The following FANCA variants were observed in gnomAD, a reference collection of about 807,000 sequenced individuals.
FANCA encodes the protein Fanconi anemia group A protein.
In FANCA, 236 loss-of-function variants were observed where a neutral mutation model predicts 194.3. The ratio of observed to expected loss-of-function variants is 1.21; its 90% CI spans 1.09 to 1.35. FANCA has a LOEUF of 1.35. Ranked by LOEUF, FANCA falls within the 40% of genes most tolerant of loss-of-function variation. The probability of loss-of-function intolerance (pLI) is 0.00; values close to 1 mark genes in which losing one functional copy is unlikely to be tolerated. For missense variants in FANCA, 2,628 were observed against 1,813.9 expected (o/e 1.45, Z -8.15); for synonymous variants, 1,014 against 715.8 (o/e 1.42, Z -6.65).
At chr16:89,776,827 A>C (rs1054160823) in intron 20 of FANCA, among the ~76,000 whole-genome samples, 7 of 152,024 alleles carry the variant, frequency 4.6e-5, no homozygotes, top group African/African-American at 1.7e-4. Context: ...CGAGACTCCG[A>C]CTCAAAAAAT....
chr16:89,772,818 C>CA lies in FANCA; in HGVS notation c.2014+452dup, dbSNP rs57304619. On this transcript the variant is annotated intron_variant, in intron 22 of 42. Coordinates refer to ENST00000389301, the MANE Select transcript of FANCA (RefSeq NM_000135.4). The stretch of plus-strand genomic sequence containing the variant: ...TGGGGGACAGAGTGAGACTCTGTCT[C>CA]AAAAAAAAAAAAGAAAAAAGAAACT... 1.9e-3 allele frequency among the ~76,000 whole-genome samples: 261 copies of CA among 139,618 alleles called. 1 individual carries two copies. The highest frequency in any genetic ancestry group is 5.5e-3 in the African/African-American group (211 of 38,368). The allele number at this position is 139,618 out of a possible 152,430, so 91.6% of individuals were successfully genotyped here.
chr16:89,792,213 C>G, intron 12 of FANCA, 145 bp from the exon 13 acceptor site: 4 of 1,024,904 alleles, frequency 3.9e-6, no homozygotes, highest in East Asian at 2.4e-5. Context: ...ACAGCTCACA[C>G]CGTGGCGTCT....
Position 89,769,776 on chromosome 16 carries a change from C to T in FANCA, c.2504+61G>A, listed in dbSNP as rs914470075. The T allele has an allele frequency of 7.0e-6, 11 of 1,572,582 alleles. No individual in the cohort carries two copies. The African/African-American group carries it at 1.5e-4, about 21-fold the overall frequency. ...GTCTGTCTCTTCTAATTTTATCAAA[C>T]GAGCATGTGTCACTTTTCGAGAGAG... On this transcript the variant is annotated intron_variant, in intron 26 of 42. Coordinates refer to ENST00000389301, the MANE Select transcript of FANCA (RefSeq NM_000135.4).
rs60760906 is a variant in FANCA, at chr16:89,800,790, G to A, written c.793-1152C>T. On this transcript the variant is annotated intron_variant, in intron 8 of 42. Transcript: ENST00000389301. ...CCACGCCTGTAATCCCAGCACTTTC[G>A]GAAGTCGAGGTGGGTGGATCACCTG... 5.1e-3 allele frequency among the ~76,000 whole-genome samples: 779 copies of A among 151,890 alleles called. 5 individuals are homozygous for A. The highest frequency in any genetic ancestry group is 0.018 in the African/African-American group (749 of 41,380).
Position 89,780,844 on chromosome 16 carries a change from C to G in FANCA, c.1627-887G>C, listed in dbSNP as rs151330700. 1.7e-3 allele frequency among the ~76,000 whole-genome samples: 254 copies of G among 151,120 alleles called. 1 individual carries two copies. Among genetic ancestry groups the G allele is most frequent in the African/African-American group, 5.5e-3 (225 of 41,118 alleles). Reference sequence around the variant, plus strand: ...ACTCAGGAGGTCAAGGTGAGAAGATCGTTTCAACCTAGGAGTTTGAGGCTG... The same window carrying G: ...ACTCAGGAGGTCAAGGTGAGAAGATGGTTTCAACCTAGGAGTTTGAGGCTG... On this transcript the variant is annotated intron_variant, in intron 17 of 42. Transcript: ENST00000389301.
In FANCA at chr16:89,740,831, G is replaced by A. The variant is rs143772894; in HGVS notation, c.3801C>T (p.Gly1267=). Reference sequence around the variant, plus strand: ...TTGAGGTCAGATGTGACGACAGCAGGCCCATCAAGGAGAAGAAGAAAAGGA... The same window carrying A: ...TTGAGGTCAGATGTGACGACAGCAGACCCATCAAGGAGAAGAAGAAAAGGA... ...LVFLFFFSLM[G]LLSSHLTSNS... The change falls in exon 38 of 43, where the codon GGC becomes GGT. Residue 1267 remains glycine, a synonymous_variant. Transcript: ENST00000389301. 175 of 1,613,548 alleles carry A rather than the reference G, an allele frequency of 1.1e-4. No individual in the cohort carries two copies. The highest frequency in any genetic ancestry group is 1.4e-4 in the Non-Finnish European group (169 of 1,179,736).
intron 10 of FANCA, chr16:89,798,274 T>G: frequency 1.1e-6 from 1 of 937,898 alleles, no homozygotes; most frequent in Non-Finnish European, 1.3e-6. Context: ...TCCACTGCTG[T>G]GAGAACACAT....
chr16:89,758,042 G>A (rs1055212562), intron 30 of FANCA, among the ~76,000 whole-genome samples: 2 of 152,046 alleles, frequency 1.3e-5, no homozygotes, highest in African/African-American at 4.8e-5. Context: ...TTTTAGTAGA[G>A]AGGGAGGTTT....
intron 40 of FANCA, 51 bp from the exon 41 acceptor site, chr16:89,739,340 C>A (rs2151712252): frequency 6.2e-7 from 1 of 1,610,218 alleles, no homozygotes. Flanking sequence ...GGAAAGGTAG[C>A]AGGTGATGCC....
chr16:89,762,276 G>C (rs2038977622), intron 28 of FANCA, among the ~76,000 whole-genome samples: 1 of 152,162 alleles, frequency 6.6e-6, no homozygotes, highest in Non-Finnish European at 1.5e-5. Flanking sequence ...ATTTTAGTCT[G>C]GGCAACATAG....
At chr16:89,744,498 C>T (rs2062200460) in intron 36 of FANCA, among the ~76,000 whole-genome samples, 1 of 152,046 alleles carries the variant, frequency 6.6e-6, no homozygotes. Flanking sequence ...AATCTGCATC[C>T]CTGAGGTCCC....
chr16:89,762,133 G>T lies in FANCA; in HGVS notation c.2779-111C>A, dbSNP rs563058465. 108 of 836,382 alleles carry T rather than the reference G, an allele frequency of 1.3e-4. No homozygotes were observed. In the South Asian group the frequency reaches 1.4e-3, roughly 11 times the overall value. 51.8% of individuals were successfully genotyped at this position (836,382 alleles called of 1,614,324 possible). On this transcript the variant is annotated intron_variant, in intron 28 of 42. Coordinates refer to ENST00000389301, the MANE Select transcript of FANCA (RefSeq NM_000135.4). ...CTCATACGCAGTCCTCCATGTCCCTGTGTTATAATGAAATTGCAGCTGAGA... is the reference window on the plus strand; with the variant it reads ...CTCATACGCAGTCCTCCATGTCCCTTTGTTATAATGAAATTGCAGCTGAGA...
intron 1 of FANCA, 163 bp from the exon 2 acceptor site, chr16:89,816,149 C>T (rs747148386): frequency 1.5e-6 from 1 of 675,118 alleles, no homozygotes; most frequent in South Asian, 1.5e-5. Context: ...CTAACGGAGA[C>T]GGCCCCACCG....
rs2040516878 is a variant in FANCA, at chr16:89,803,180, G to A, written c.792+79C>T. The A allele has an allele frequency of 3.8e-6, 5 of 1,316,816 alleles. No homozygotes were observed. In the South Asian group the frequency reaches 5.9e-5, roughly 15 times the overall value. The allele number at this position is 1,316,816 out of a possible 1,614,324, so 81.6% of individuals were successfully genotyped here. ...GGTACAAACAGCACGTTTCAATAGA[G>A]AGACACGTAAATACATTTCAACACT... On this transcript the variant is annotated intron_variant, in intron 8 of 42. Coordinates refer to ENST00000389301, the MANE Select transcript of FANCA (RefSeq NM_000135.4).
At chr16:89,766,832 A>T (rs187758117) in intron 27 of FANCA, among the ~76,000 whole-genome samples, 4 of 152,304 alleles carry the variant, frequency 2.6e-5, no homozygotes, top group African/African-American at 7.2e-5. Flanking sequence ...CTTTTAATTC[A>T]TCTATCCTAT....
intron 8 of FANCA, among the ~76,000 whole-genome samples, chr16:89,801,074 G>T (rs569229793): frequency 6.8e-6 from 1 of 147,298 alleles, no homozygotes; most frequent in Non-Finnish European, 1.5e-5. Flanking sequence ...GGCCAGGCAC[G>T]GTAGCCCACG....
Position 89,758,629 on chromosome 16 carries a change from G to C in FANCA, c.2929C>G (p.Leu977Val), listed in dbSNP as rs767377719. The change falls in exon 30 of 43, where the codon CTG (leucine) becomes GTG (valine). Residue 977 changes from leucine to valine, a missense_variant. Transcript: ENST00000389301. Reference protein sequence around the residue: ...SSASGGCDGDLQAACTILVNA... With the variant: ...SSASGGCDGDVQAACTILVNA... The stretch of plus-strand genomic sequence containing the variant: ...ACAAGAATGGTACACGCAGCCTGCA[G>C]GTCTCCGTCACAGCCCCCTGAAGCC... 5 of 1,614,088 alleles carry C rather than the reference G, an allele frequency of 3.1e-6. No individual in the cohort carries two copies. Among genetic ancestry groups the C allele is most frequent in the Non-Finnish European group, 4.2e-6 (5 of 1,179,954 alleles).
At chr16:89,764,776 G>C in intron 28 of FANCA, 114 bp downstream of exon 28, 1 of 1,249,806 alleles carries the variant, frequency 8.0e-7, no homozygotes, top group Non-Finnish European at 1.2e-6. Flanking sequence ...TCGGGACGTG[G>C]CATGATGCAG....
intron 33 of FANCA, among the ~76,000 whole-genome samples, chr16:89,747,703 AAAAT>A (rs572834641): frequency 3.3e-5 from 5 of 151,960 alleles, no homozygotes; most frequent in South Asian, 2.1e-4. Context: ...TCTGTCTCAA[AAAAT>A]AAATAAATAA....
Sources: gnomAD v4.1 joint callset for allele counts (sites outside exome capture counted in the v4.1 genomes callset) on GRCh38, gnomAD v4.1.1 for gene constraint, MANE v1.5 for transcripts, NCBI Gene and HGNC (gene_info 2026-07-23, HGNC 2026-07-21) for gene names.